Variants in AGAP1 observed in about 807,000 individuals in gnomAD.
The protein encoded by AGAP1 is arf-GAP with GTPase, ANK repeat and PH domain-containing protein 1.
A neutral mutation model predicts 105.3 loss-of-function variants in AGAP1; 29 were observed. The ratio of observed to expected loss-of-function variants is 0.28; its 90% CI spans 0.21 to 0.38. The LOEUF (loss-of-function observed/expected upper bound fraction) is 0.38, where lower values mean the gene tolerates loss of function less well. AGAP1 is among the 10% of genes least tolerant of loss of function. AGAP1 has a pLI of 1.00. For synonymous variants in AGAP1, 509 were observed against 485.9 expected, an observed-to-expected ratio of 1.05 and a Z score of -0.63; for missense variants, 998 against 1,165.1, an observed-to-expected ratio of 0.86 and a Z score of 2.09.
intron 9 of AGAP1, among the ~76,000 whole-genome samples, chr2:235,856,578 C>T (rs1443666382): frequency 2.0e-5 from 3 of 152,240 alleles, no homozygotes; most frequent in Non-Finnish European, 4.4e-5. Context: ...CAGTCGTGAG[C>T]AGCTCTGTGT....
At chr2:235,899,564 G>A (rs971074051) in intron 10 of AGAP1, among the ~76,000 whole-genome samples, 12 of 152,184 alleles carry the variant, frequency 7.9e-5, no homozygotes, top group African/African-American at 2.2e-4. Flanking sequence ...TAGCAAATTC[G>A]TCCAAAGAAA....
At chr2:235,822,567 A>G (rs1298857387) in intron 9 of AGAP1, among the ~76,000 whole-genome samples, 1 of 152,152 alleles carries the variant, frequency 6.6e-6, no homozygotes, top group Non-Finnish European at 1.5e-5. Flanking sequence ...GAGGAGCTGG[A>G]GAAGCCCAAG....
intron 1 of AGAP1, among the ~76,000 whole-genome samples, chr2:235,640,699 CCT>C (rs771647976): frequency 5.3e-5 from 8 of 152,174 alleles, no homozygotes; most frequent in Non-Finnish European, 1.0e-4. Context: ...TTTTTATTCC[CCT>C]GTCTTCTATT....
chr2:235,608,215 GTTC>G lies in AGAP1; in HGVS notation c.164-100957_164-100955del, dbSNP rs761187209. ...TTCTCTGCTTGGCCCACGTCTAGCA[GTTC>G]TTCTTCATCTTGCAGGGAAAGTGTG... On this transcript the variant is annotated intron_variant, in intron 1 of 17. Coordinates refer to ENST00000304032, the MANE Select transcript of AGAP1 (RefSeq NM_001037131.3). The surrounding 1 kb of genome is among the most constrained non-coding windows in gnomAD (Gnocchi z 5.4). Among the ~76,000 whole-genome samples the G allele has an allele frequency of 2.9e-4, 44 of 152,350 alleles. No individual in the cohort carries two copies. Among genetic ancestry groups the G allele is most frequent in the Middle Eastern group, 3.4e-3 (1 of 294 alleles).
chr2:235,943,630 A>T (rs2053364549), intron 12 of AGAP1, among the ~76,000 whole-genome samples: 2 of 152,294 alleles, frequency 1.3e-5, no homozygotes, highest in Admixed American at 6.5e-5. Context: ...GATTACAGGC[A>T]TGAGTCACCA....
Position 235,971,553 on chromosome 2 carries a change from G to A in AGAP1, c.1645+2930G>A, listed in dbSNP as rs545894634. ...GTCTCTACTAAAAATACAAAAATTA[G>A]CTGGGCATGGTGGCAGGTCCCAGCT... On this transcript the variant is annotated intron_variant, in intron 13 of 17. Transcript: ENST00000304032. This position sits in a 1 kb window ranked among gnomAD's most constrained non-coding sequence, Gnocchi z 4.8. 6.6e-6 allele frequency among the ~76,000 whole-genome samples: 1 copy of A among 152,038 alleles called. No individual in the cohort carries two copies. The highest frequency in any genetic ancestry group is 2.4e-5 in the African/African-American group (1 of 41,512).
Position 235,550,795 on chromosome 2 carries a change from G to A in AGAP1, c.163+55946G>A, listed in dbSNP as rs1020199832. 1.3e-5 allele frequency among the ~76,000 whole-genome samples: 2 copies of A among 152,134 alleles called. No individual in the cohort carries two copies. Among genetic ancestry groups the A allele is most frequent in the South Asian group, 2.1e-4 (1 of 4,820 alleles). ...TTTATTTTTATCTTATTTTTTTTGA[G>A]ATAGAGTCTCACTCTGTTGCCCAGG... On this transcript the variant is annotated intron_variant, in intron 1 of 17. Transcript: ENST00000304032. The surrounding 1 kb of genome is among the most constrained non-coding windows in gnomAD (Gnocchi z 4.6).
chr2:235,756,909 A>G (rs191725032), intron 6 of AGAP1, among the ~76,000 whole-genome samples: 36 of 145,804 alleles, frequency 2.5e-4, no homozygotes, highest in Non-Finnish European at 2.8e-4. Flanking sequence ...ATTGTCTTCC[A>G]TGAAACCAGT....
At chr2:235,955,658 G>A (rs2053917309) in intron 12 of AGAP1, among the ~76,000 whole-genome samples, 1 of 152,182 alleles carries the variant, frequency 6.6e-6, no homozygotes, top group South Asian at 2.1e-4. Flanking sequence ...CTCAACCCAT[G>A]GGATGATATC....
chr2:236,019,632 G>A (rs2056824691), intron 13 of AGAP1, among the ~76,000 whole-genome samples: 1 of 152,332 alleles, frequency 6.6e-6, no homozygotes, highest in Non-Finnish European at 1.5e-5. Flanking sequence ...GCAGCAGCCT[G>A]CACCTGGACG....
chr2:235,546,734 G>C (rs1327566011), intron 1 of AGAP1, among the ~76,000 whole-genome samples: 2 of 152,170 alleles, frequency 1.3e-5, no homozygotes, highest in African/African-American at 4.8e-5. Flanking sequence ...ATGACCTCAG[G>C]GTGGGTCAGA....
In AGAP1 at chr2:235,844,471, A is replaced by G. The variant is rs558999186; in HGVS notation, c.1050+37140A>G. On this transcript the variant is annotated intron_variant, in intron 9 of 17. Coordinates refer to ENST00000304032, the MANE Select transcript of AGAP1 (RefSeq NM_001037131.3). ...ATTTTATCATTTTTAAATGTTGGCA[A>G]CTGATTCCAAAAATCTATTATGCAC... Among the ~76,000 whole-genome samples, 4 of 152,310 alleles carry G rather than the reference A, an allele frequency of 2.6e-5. No homozygotes were observed. In the South Asian group the frequency reaches 8.3e-4, roughly 32 times the overall value.
At chr2:236,018,392 C>T (rs1352378802) in intron 13 of AGAP1, among the ~76,000 whole-genome samples, 10 of 152,194 alleles carry the variant, frequency 6.6e-5, no homozygotes, top group Admixed American at 4.6e-4. Flanking sequence ...GAAGAGTGGA[C>T]GTTGTGCAGG....
At chr2:235,629,002 G>T (rs1202297746) in intron 1 of AGAP1, among the ~76,000 whole-genome samples, 1 of 152,010 alleles carries the variant, frequency 6.6e-6, no homozygotes, top group Non-Finnish European at 1.5e-5. Context: ...AGTAGAGACG[G>T]GGTTTCACCA....
intron 7 of AGAP1, 74 bp downstream of exon 7, chr2:235,797,960 T>A: frequency 6.6e-7 from 1 of 1,524,562 alleles, no homozygotes; most frequent in South Asian, 1.2e-5. Context: ...CAGCCAATGC[T>A]AAGGTTGATT....
chr2:235,948,900 C>T (rs893815235), intron 12 of AGAP1, among the ~76,000 whole-genome samples: 1 of 152,226 alleles, frequency 6.6e-6, no homozygotes, highest in Non-Finnish European at 1.5e-5. Flanking sequence ...AGAGCCTATC[C>T]CGTGTCCAGT....
intron 13 of AGAP1, among the ~76,000 whole-genome samples, chr2:236,033,020 C>T (rs748651386): frequency 3.3e-5 from 5 of 152,008 alleles, no homozygotes; most frequent in East Asian, 1.9e-4. Context: ...CCAACGTGGG[C>T]GGATCACCTG....
chr2:235,759,568 G>A (rs918825425), intron 6 of AGAP1, among the ~76,000 whole-genome samples: 2 of 152,214 alleles, frequency 1.3e-5, no homozygotes, highest in Non-Finnish European at 2.9e-5. Flanking sequence ...ATCTCCCAGC[G>A]AATGGGAGAG....
intron 1 of AGAP1, among the ~76,000 whole-genome samples, chr2:235,616,052 G>C (rs1946296717): frequency 6.6e-6 from 1 of 152,246 alleles, no homozygotes; most frequent in African/African-American, 2.4e-5. Flanking sequence ...TGATTAAAGA[G>C]TAACAATTAA....
Sources: allele counts gnomAD v4.1 joint callset (sites outside exome capture counted in the v4.1 genomes callset), GRCh38; gene constraint gnomAD v4.1.1; non-coding constraint Gnocchi (gnomAD v3.1); transcripts MANE v1.5; gene names NCBI Gene and HGNC (gene_info 2026-07-23, HGNC 2026-07-21).